Variants in GJD2 observed in about 807,000 individuals in gnomAD.
GJD2 encodes the protein gap junction delta-2 protein.
Under a neutral mutation model 24.3 loss-of-function variants are expected in GJD2, and 12 were observed. The ratio of observed to expected loss-of-function variants is 0.49; its 90% CI spans 0.32 to 0.80. The LOEUF (loss-of-function observed/expected upper bound fraction) is 0.80. GJD2 is among the 30% of genes least tolerant of loss of function. GJD2 has a pLI of 0.04. For synonymous variants in GJD2, 171 were observed against 155.2 expected, an observed-to-expected ratio of 1.10 and a Z score of -0.76; for missense variants, 268 against 402.4, an observed-to-expected ratio of 0.67 and a Z score of 2.86.
In GJD2 at chr15:34,752,206, C is replaced by T. The variant is rs538516986; in HGVS notation, c.*272G>A. On this transcript the variant is annotated 3_prime_UTR_variant, in exon 2 of 2. Transcript: ENST00000290374. ...TGTGCAAGTTCAGTGTTATCAGGAT[C>T]AGGCTAGGCCATAAACAGAAAGGGA... 4.4e-6 allele frequency: 2 copies of T among 458,042 alleles called. No individual in the cohort carries two copies. The highest frequency in any genetic ancestry group is 7.5e-5 in the East Asian group (2 of 26,518). The allele number at this position is 458,042 out of a possible 1,614,324, so 28.4% of individuals were successfully genotyped here.
rs61551629 is a variant in GJD2 at position 34,751,955 on chromosome 15, GAAAAAAAA to G, written c.*515_*522del. Reference sequence around the variant, plus strand: ...AGGTCTAATGTAAGGCCAGATTCTGGAAAAAAAAAAAAAAAAAAAAAAAAAGCTGGCAT... The same window carrying G: ...AGGTCTAATGTAAGGCCAGATTCTGGAAAAAAAAAAAAAAAAAGCTGGCAT... On this transcript the variant is annotated 3_prime_UTR_variant, in exon 2 of 2. Coordinates refer to ENST00000290374, the MANE Select transcript of GJD2 (RefSeq NM_020660.3). 1.9e-4 allele frequency: 4 copies of G among 21,204 alleles called. No homozygotes were observed. The highest frequency in any genetic ancestry group is 6.4e-4 in the African/African-American group (4 of 6,208). The allele number at this position is 21,204 out of a possible 1,614,324, so 1.3% of individuals were successfully genotyped here.
rs1891096841 is a variant in GJD2, at chr15:34,751,090, A to T, written c.*1388T>A. On this transcript the variant is annotated 3_prime_UTR_variant, in exon 2 of 2. Coordinates refer to ENST00000290374, the MANE Select transcript of GJD2 (RefSeq NM_020660.3). ...CAAATCCTTAGTTGTGTGTTACACCATGTCCATATCTAAATCAAAAATGAT... is the reference window on the plus strand; with the variant it reads ...CAAATCCTTAGTTGTGTGTTACACCTTGTCCATATCTAAATCAAAAATGAT... 6.6e-6 allele frequency: 1 copy of T among 152,244 alleles called. No individual in the cohort carries two copies. The highest frequency in any genetic ancestry group is 1.5e-5 in the Non-Finnish European group (1 of 68,046). The allele number at this position is 152,244 out of a possible 1,614,324, so 9.4% of individuals were successfully genotyped here. A position where few individuals can be genotyped will look rare whatever the true frequency, so the allele number is the denominator to read the frequency against.
Position 34,752,453 on chromosome 15 carries a change from C to G in GJD2, c.*25G>C. On this transcript the variant is annotated 3_prime_UTR_variant, in exon 2 of 2. Coordinates refer to ENST00000290374, the MANE Select transcript of GJD2 (RefSeq NM_020660.3). ...CTGCCTTGGGGCTCCTTGCCATCCC[C>G]CAGACCTTCATGAAACCTGCCCTCT... 1 of 1,602,540 alleles carries G rather than the reference C, an allele frequency of 6.2e-7. No individual in the cohort carries two copies. The highest frequency in any genetic ancestry group is 8.5e-7 in the Non-Finnish European group (1 of 1,172,996).
Position 34,752,206 on chromosome 15 carries a change from C to G in GJD2, c.*272G>C. On this transcript the variant is annotated 3_prime_UTR_variant, in exon 2 of 2. Transcript: ENST00000290374. The stretch of plus-strand genomic sequence containing the variant: ...TGTGCAAGTTCAGTGTTATCAGGAT[C>G]AGGCTAGGCCATAAACAGAAAGGGA... The G allele has an allele frequency of 2.2e-6, 1 of 458,042 alleles. No homozygotes were observed. The highest frequency in any genetic ancestry group is 4.0e-6 in the Non-Finnish European group (1 of 253,120). The allele number at this position is 458,042 out of a possible 1,614,324, so 28.4% of individuals were successfully genotyped here.
rs895391554 is a variant in GJD2 at position 34,754,377 on chromosome 15, C to A, written c.71+41G>T. On this transcript the variant is annotated intron_variant, in intron 1 of 1. Coordinates refer to ENST00000290374, the MANE Select transcript of GJD2 (RefSeq NM_020660.3). The surrounding 1 kb of genome is among the most constrained non-coding windows in gnomAD (Gnocchi z 5.9). ...GGTGTGAGAAGGGACTCCCGGGGGC[C>A]GCCCGACGGGGCCCCCTGACCGCCG... 3 of 1,496,932 alleles carry A rather than the reference C, an allele frequency of 2.0e-6. No homozygotes were observed. Among genetic ancestry groups the A allele is most frequent in the Non-Finnish European group, 2.8e-6 (3 of 1,074,578 alleles). The allele number at this position is 1,496,932 out of a possible 1,614,324, so 92.7% of individuals were successfully genotyped here.
chr15:34,754,727 G>C lies in GJD2; in HGVS notation c.-239C>G, dbSNP rs1001825887. ...GGCAGTTGGCGCGGTCTAGAGAGAG[G>C]GCACGAACCTCGGGCGCCGTCCGGG... On this transcript the variant is annotated 5_prime_UTR_variant, in exon 1 of 2. Transcript: ENST00000290374. This position sits in a 1 kb window ranked among gnomAD's most constrained non-coding sequence, Gnocchi z 5.9. The C allele has an allele frequency of 6.9e-6, 3 of 432,886 alleles. No individual in the cohort carries two copies. Among genetic ancestry groups the C allele is most frequent in the Admixed American group, 3.9e-5 (1 of 25,848 alleles). The allele number at this position is 432,886 out of a possible 1,614,324, so 26.8% of individuals were successfully genotyped here. A position where few individuals can be genotyped will look rare whatever the true frequency, so the allele number is the denominator to read the frequency against.
In GJD2 at chr15:34,753,214, C is replaced by T; in HGVS notation, c.230G>A (p.Arg77His). 6.2e-7 allele frequency: 1 copy of T among 1,614,124 alleles called. No homozygotes were observed. Among genetic ancestry groups the T allele is most frequent in the Non-Finnish European group, 8.5e-7 (1 of 1,180,010 alleles). ...CATTATGATCTGGAAGACCCAGTAA[C>T]GTATGTGGGAGATGGGGAAGGCGCG... ...YDRAFPISHI[R>H]YWVFQIIMVC... Residue 77 changes from arginine to histidine, a missense_variant, in exon 2 of 2, where the codon CGT becomes CAT. This residue lies in a region of GJD2 where 66 missense variants were observed against 129.5 expected (regional missense o/e 0.51). Coordinates refer to ENST00000290374, the MANE Select transcript of GJD2 (RefSeq NM_020660.3).
chr15:34,753,084 G>A lies in GJD2; in HGVS notation c.360C>T (p.Pro120=), dbSNP rs149695764. 5 of 1,613,962 alleles carry A rather than the reference G, an allele frequency of 3.1e-6. No individual in the cohort carries two copies. In the African/African-American group the frequency reaches 6.7e-5, roughly 22 times the overall value. The part of the protein sequence containing the change: ...STVFLALDRD[P]PESIGGPGGT... ...CTCCAGGACCTCCTATGGACTCAGGGGGGTCTCTGTCCAGGGCTAGGAAGA... is the reference window on the plus strand; with the variant it reads ...CTCCAGGACCTCCTATGGACTCAGGAGGGTCTCTGTCCAGGGCTAGGAAGA... The change falls in exon 2 of 2, where the codon CCC becomes CCT. Residue 120 remains proline, a synonymous_variant. Coordinates refer to ENST00000290374, the MANE Select transcript of GJD2 (RefSeq NM_020660.3).
rs374903251 is a variant in GJD2 at position 34,753,321 on chromosome 15, C to T, written c.123G>A (p.Val41=). 4 of 1,611,218 alleles carry T rather than the reference C, an allele frequency of 2.5e-6. No homozygotes were observed. In the Admixed American group the frequency reaches 5.0e-5, roughly 20 times the overall value. Residue 41 remains valine, a synonymous_variant, in exon 2 of 2, where the codon GTG becomes GTA. Transcript: ENST00000290374. Reference sequence around the variant, plus strand: ...GCTCATCATCGTACACCGTCTCCCCCACAATGGCCACAATGAGGATCCGGA... The same window carrying T: ...GCTCATCATCGTACACCGTCTCCCCTACAATGGCCACAATGAGGATCCGGA... ...VIFRILIVAI[V]GETVYDDEQT...
rs746017397 is a variant in GJD2, at chr15:34,752,691, A to G, written c.753T>C (p.Thr251=). 6.2e-7 allele frequency: 1 copy of G among 1,614,218 alleles called. No individual in the cohort carries two copies. The highest frequency in any genetic ancestry group is 8.5e-7 in the Non-Finnish European group (1 of 1,180,016). ...CAGCAAACATGAACACTAGAAAGAC[A>G]GTCTTCTCAGTTGGCCGGGACACAT... ...ECYVSRPTEK[T]VFLVFMFAVS... The change falls in exon 2 of 2, where the codon ACT becomes ACC. Residue 251 remains threonine, a synonymous_variant. Coordinates refer to ENST00000290374, the MANE Select transcript of GJD2 (RefSeq NM_020660.3).
rs1283424771 is a variant in GJD2, at chr15:34,753,085, G to A, written c.359C>T (p.Pro120Leu). The A allele has an allele frequency of 1.2e-6, 2 of 1,613,984 alleles. No individual in the cohort carries two copies. Among genetic ancestry groups the A allele is most frequent in the African/African-American group, 2.7e-5 (2 of 74,884 alleles). Residue 120 changes from proline to leucine, a missense_variant, in exon 2 of 2, where the codon CCC becomes CTC. By Grantham distance (98) the Pro-to-Leu change is moderately conservative. Around this residue, in one of 3 missense-constraint regions of GJD2, gnomAD observed 87 missense variants for 77.8 expected, o/e 1.12. Transcript: ENST00000290374. ...TCCAGGACCTCCTATGGACTCAGGGGGGTCTCTGTCCAGGGCTAGGAAGAC... is the reference window on the plus strand; with the variant it reads ...TCCAGGACCTCCTATGGACTCAGGGAGGTCTCTGTCCAGGGCTAGGAAGAC... ...STVFLALDRD[P>L]PESIGGPGGT... is the part of the protein sequence containing the mutation.
chr15:34,752,473 C>T lies in GJD2; in HGVS notation c.*5G>A. ...ATCCCCCAGACCTTCATGAAACCTG[C>T]CCTCTCACACATAGGCAGAGTCACT... On this transcript the variant is annotated 3_prime_UTR_variant, in exon 2 of 2. Transcript: ENST00000290374. The T allele has an allele frequency of 6.2e-7, 1 of 1,610,488 alleles. No individual in the cohort carries two copies. The highest frequency in any genetic ancestry group is 8.5e-7 in the Non-Finnish European group (1 of 1,177,384).
chr15:34,752,426 A>T lies in GJD2; in HGVS notation c.*52T>A. On this transcript the variant is annotated 3_prime_UTR_variant, in exon 2 of 2. Transcript: ENST00000290374. ...TGGATACAGCCACGTCTGAGCAGTC[A>T]TCTGCCTTGGGGCTCCTTGCCATCC... 6.7e-7 allele frequency: 1 copy of T among 1,490,412 alleles called. No homozygotes were observed. The highest frequency in any genetic ancestry group is 9.2e-7 in the Non-Finnish European group (1 of 1,082,562). 92.3% of individuals were successfully genotyped at this position (1,490,412 alleles called of 1,614,324 possible).
rs199954752 is a variant in GJD2 at position 34,752,773 on chromosome 15, C to T, written c.671G>A (p.Ser224Asn). 54 of 1,614,054 alleles carry T rather than the reference C, an allele frequency of 3.3e-5. 1 individual carries two copies. Among genetic ancestry groups the T allele is most frequent in the Non-Finnish European group, 4.6e-5 (54 of 1,180,044 alleles). The part of the protein sequence containing the change: ...LVGQYFLYGF[S>N]VPGLYECNRY... ...GTTACACTCATACAACCCTGGGACA[C>T]TAAAGCCATAGAGAAAATATTGGCC... The change falls in exon 2 of 2, where the codon AGT becomes AAT. Residue 224 changes from serine to asparagine, a missense_variant. Physicochemically the swap from Ser to Asn is conservative, Grantham distance 46. This residue lies in a region of GJD2 where 115 missense variants were observed against 195.2 expected (regional missense o/e 0.59). Coordinates refer to ENST00000290374, the MANE Select transcript of GJD2 (RefSeq NM_020660.3).
Position 34,752,931 on chromosome 15 carries a change from A to G in GJD2, c.513T>C (p.Val171=). The G allele has an allele frequency of 6.2e-7, 1 of 1,614,066 alleles. No homozygotes were observed. The highest frequency in any genetic ancestry group is 1.1e-5 in the South Asian group (1 of 91,064). ...CTGATGGGTGTGGAGTCAGCTCCTT[A>G]ACCTCTAAACAATCTGGCTCTGTCT... ...SKETEPDCLE[V]KELTPHPSGL... Residue 171 remains valine (V), a synonymous_variant, in exon 2 of 2, where the codon GTT becomes GTC. Transcript: ENST00000290374.
chr15:34,753,008 G>A lies in GJD2; in HGVS notation c.436C>T (p.Gln146Ter). The change falls in exon 2 of 2, where the codon CAA becomes TAA. Residue 146 changes from glutamine to a stop codon, truncating the protein, a stop_gained. Transcript: ENST00000290374. LOFTEE classifies it high-confidence loss of function. ...AGCACCCCATTCACAATAGCATTTT[G>A]CAACTTCTTATCTTCTCGTTTGCCC... The part of the protein sequence containing the change: ...GGGKREDKKL[Q>*]NAIVNGVLQN... 6.2e-7 allele frequency: 1 copy of A among 1,614,118 alleles called. No individual in the cohort carries two copies. Among genetic ancestry groups the A allele is most frequent in the Non-Finnish European group, 8.5e-7 (1 of 1,180,026 alleles).
Position 34,752,437 on chromosome 15 carries a change from G to T in GJD2, c.*41C>A. The stretch of plus-strand genomic sequence containing the variant: ...ACGTCTGAGCAGTCATCTGCCTTGG[G>T]GCTCCTTGCCATCCCCCAGACCTTC... On this transcript the variant is annotated 3_prime_UTR_variant, in exon 2 of 2. Transcript: ENST00000290374. The T allele has an allele frequency of 6.4e-7, 1 of 1,562,226 alleles. No individual in the cohort carries two copies. The highest frequency in any genetic ancestry group is 1.2e-5 in the South Asian group (1 of 85,076).
rs1891100523 is a variant in GJD2 at position 34,751,350 on chromosome 15, G to A, written c.*1128C>T. 6.6e-6 allele frequency: 1 copy of A among 152,170 alleles called. No homozygotes were observed. Among genetic ancestry groups the A allele is most frequent in the South Asian group, 2.1e-4 (1 of 4,824 alleles). The allele number at this position is 152,170 out of a possible 1,614,324, so 9.4% of individuals were successfully genotyped here. A position where few individuals can be genotyped will look rare whatever the true frequency, so the allele number is the denominator to read the frequency against. On this transcript the variant is annotated 3_prime_UTR_variant, in exon 2 of 2. Transcript: ENST00000290374. ...ACACGTTAGCCAATAGTGTTTAGTT[G>A]CAGGTCTTTTAAGCCAGTAATTTTG...
chr15:34,752,957 C>A lies in GJD2; in HGVS notation c.487G>T (p.Glu163Ter). The A allele has an allele frequency of 6.2e-7, 1 of 1,614,136 alleles. No individual in the cohort carries two copies. Among genetic ancestry groups the A allele is most frequent in the Non-Finnish European group, 8.5e-7 (1 of 1,180,016 alleles). ...VLQNTENTSK[E>*]TEPDCLEVKE... is the part of the protein sequence containing the mutation. ...ACCTCTAAACAATCTGGCTCTGTCT[C>A]CTTACTGGTGTTCTCTGTGTTCTGC... The change falls in exon 2 of 2, where the codon GAG (glutamate) becomes TAG (stop). Residue 163 changes from glutamate to a stop codon, truncating the protein, a stop_gained. Coordinates refer to ENST00000290374, the MANE Select transcript of GJD2 (RefSeq NM_020660.3). LOFTEE classifies it high-confidence loss of function.
Sources: allele counts gnomAD v4.1 joint callset, GRCh38; gene constraint gnomAD v4.1.1; regional missense constraint gnomAD v4.1.1; non-coding constraint Gnocchi (gnomAD v3.1); transcripts MANE v1.5; gene names NCBI Gene and HGNC (gene_info 2026-07-23, HGNC 2026-07-21).